Variants in WASHC2C observed in about 807,000 individuals in gnomAD.
WASHC2C encodes WASH complex subunit 2C, also known as Vaccinia Penetration Factor.
A neutral mutation model predicts 142.2 loss-of-function variants in WASHC2C; 73 were observed. The observed-to-expected ratio is 0.51, with a 90% confidence interval of 0.43 to 0.62. The LOEUF (loss-of-function observed/expected upper bound fraction) is 0.62. WASHC2C is among the 20% of genes least tolerant of loss of function. The pLI is 0.00. For synonymous variants in WASHC2C, 337 were observed against 565.5 expected (o/e 0.60, Z 5.73); for missense variants, 969 against 1,531.7 (o/e 0.63, Z 6.13).
intron 17 of WASHC2C, among the ~76,000 whole-genome samples, chr10:45,761,750 C>T (rs1433311543): frequency 2.6e-5 from 4 of 152,102 alleles, no homozygotes; most frequent in African/African-American, 7.2e-5. Context: ...GTTAAGGGTC[C>T]GAAACTGTGA....
intron 15 of WASHC2C, among the ~76,000 whole-genome samples, chr10:45,756,767 G>T (rs1203574410): frequency 1.3e-5 from 2 of 152,212 alleles, no homozygotes; most frequent in South Asian, 2.1e-4. Flanking sequence ...GGAAATGGCT[G>T]CTTGGATAAG....
At chr10:45,727,574 G>C (rs1190736514) in intron 2 of WASHC2C, 35 bp downstream of exon 2, 1 of 1,547,172 alleles carries the variant, frequency 6.5e-7, no homozygotes, top group Non-Finnish European at 8.7e-7. Flanking sequence ...GAGAGCGGCA[G>C]GGGTGACGCT....
rs1292995400 is a variant in WASHC2C, at chr10:45,784,309, T to C, written c.2479-256T>C. Among the ~76,000 whole-genome samples, 9 of 70,612 alleles carry C rather than the reference T, an allele frequency of 1.3e-4. 1 individual carries two copies. Among genetic ancestry groups the C allele is most frequent in the East Asian group, 2.1e-3 (2 of 950 alleles). 46.3% of individuals were successfully genotyped at this position (70,612 alleles called of 152,430 possible). A position where few individuals can be genotyped will look rare whatever the true frequency, so the allele number is the denominator to read the frequency against. ...ATATATACACATATATATATATATA[T>C]ATACACACACATATATATATATATG... On this transcript the variant is annotated intron_variant, in intron 23 of 30. Coordinates refer to ENST00000623400, the MANE Select transcript of WASHC2C (RefSeq NM_001330074.2).
chr10:45,781,501 A>G (rs2057501425), intron 23 of WASHC2C, among the ~76,000 whole-genome samples: 1 of 152,138 alleles, frequency 6.6e-6, no homozygotes, highest in African/African-American at 2.4e-5. Flanking sequence ...GTTAAAATAT[A>G]TAGATCAGTG....
chr10:45,750,729 C>G lies in WASHC2C; in HGVS notation c.844-22C>G, dbSNP rs1326531580. ...ACTAGTTTGTTACAAAAAAGCGATT[C>G]TTTTGATTTCTCCTGCTGTAGAAAA... On this transcript the variant is annotated intron_variant, in intron 9 of 30. Coordinates refer to ENST00000623400, the MANE Select transcript of WASHC2C (RefSeq NM_001330074.2). The G allele has an allele frequency of 1.0e-5, 16 of 1,546,074 alleles. No homozygotes were observed. The African/African-American group carries it at 2.1e-4, about 20-fold the overall frequency.
chr10:45,755,526 G>A (rs1220309305), intron 15 of WASHC2C, among the ~76,000 whole-genome samples: 2 of 152,304 alleles, frequency 1.3e-5, no homozygotes, highest in African/African-American at 2.4e-5. Flanking sequence ...AGCTCAGGTG[G>A]CCTTGGTCTT....
At chr10:45,732,476 T>G (rs2050721747) in intron 3 of WASHC2C, among the ~76,000 whole-genome samples, 1 of 152,212 alleles carries the variant, frequency 6.6e-6, no homozygotes, top group South Asian at 2.1e-4. Context: ...AATTTAGGAA[T>G]TGGATCCTGA....
intron 28 of WASHC2C, among the ~76,000 whole-genome samples, chr10:45,788,249 C>T (rs2058191682): frequency 6.6e-6 from 1 of 152,150 alleles, no homozygotes; most frequent in African/African-American, 2.4e-5. Flanking sequence ...CTATCATAAA[C>T]TGCATCATTG....
intron 16 of WASHC2C, among the ~76,000 whole-genome samples, chr10:45,758,649 C>A (rs2054640469): frequency 6.7e-6 from 1 of 150,280 alleles, no homozygotes; most frequent in African/African-American, 2.5e-5. Context: ...GCTCTGTTGC[C>A]CAGGCTGGAG....
intron 13 of WASHC2C, 149 bp from the exon 14 acceptor site, chr10:45,754,337 T>G: frequency 6.6e-7 from 1 of 1,511,676 alleles, no homozygotes; most frequent in South Asian, 1.2e-5. Flanking sequence ...AAGAAAATAC[T>G]AAGGAATTTT....
At chr10:45,767,183 C>A (rs2055943162) in intron 19 of WASHC2C, among the ~76,000 whole-genome samples, 7 of 147,980 alleles carry the variant, frequency 4.7e-5, no homozygotes, top group Admixed American at 1.4e-4. Context: ...GCAGGAGAAT[C>A]ACTTGAACCC....
intron 14 of WASHC2C, 54 bp from the exon 15 acceptor site, chr10:45,754,882 T>G: frequency 6.2e-7 from 1 of 1,601,386 alleles, no homozygotes; most frequent in Non-Finnish European, 8.5e-7. Flanking sequence ...TTCTGTAAAT[T>G]CAACCGGCCC....
At chr10:45,746,090 G>A (rs1196643423) in intron 7 of WASHC2C, among the ~76,000 whole-genome samples, 1 of 111,894 alleles carries the variant, frequency 8.9e-6, no homozygotes, top group Non-Finnish European at 1.8e-5. Context: ...TCCCTACAAA[G>A]GACATGAACT....
chr10:45,784,010 A>C (rs2057721709), intron 23 of WASHC2C, among the ~76,000 whole-genome samples: 1 of 151,984 alleles, frequency 6.6e-6, no homozygotes, highest in Non-Finnish European at 1.5e-5. Context: ...TGAGGGACAC[A>C]TACTTGACCA....
chr10:45,727,297 C>T lies in WASHC2C; in HGVS notation c.-21C>T, dbSNP rs1376533379. Reference sequence around the variant, plus strand: ...CGGCCTGTGCTGGCAGCCTCGGAGCCCACCGAGCCGGGCGGCTGGGATGGT... The same window carrying T: ...CGGCCTGTGCTGGCAGCCTCGGAGCTCACCGAGCCGGGCGGCTGGGATGGT... On this transcript the variant is annotated 5_prime_UTR_variant, in exon 1 of 31. Coordinates refer to ENST00000623400, the MANE Select transcript of WASHC2C (RefSeq NM_001330074.2). 17 of 1,562,332 alleles carry T rather than the reference C, an allele frequency of 1.1e-5. No individual in the cohort carries two copies. The highest frequency in any genetic ancestry group is 1.5e-5 in the Non-Finnish European group (17 of 1,154,930).
intron 14 of WASHC2C, 45 bp downstream of exon 14, chr10:45,754,590 T>A (rs1458100546): frequency 1.3e-6 from 2 of 1,487,086 alleles, no homozygotes; most frequent in East Asian, 2.4e-5. Flanking sequence ...ACAAATACTG[T>A]TTTTTGCATT....
chr10:45,755,219 C>T (rs2054099529), intron 15 of WASHC2C, 104 bp downstream of exon 15: 2 of 1,471,794 alleles, frequency 1.4e-6, no homozygotes, highest in African/African-American at 1.4e-5. Context: ...GTGCCAGAAT[C>T]CCTTCTCCAG....
intron 3 of WASHC2C, among the ~76,000 whole-genome samples, chr10:45,736,950 T>C (rs1554865036): frequency 6.6e-6 from 1 of 152,222 alleles, no homozygotes; most frequent in African/African-American, 2.4e-5. Context: ...ATTGACTTCT[T>C]ATTTCTTTCT....
intron 8 of WASHC2C, among the ~76,000 whole-genome samples, chr10:45,749,857 T>TTATATA (rs1199440572): frequency 9.0e-5 from 8 of 88,802 alleles, no homozygotes; most frequent in African/African-American, 3.5e-4. Flanking sequence ...ATATATATAT[T>TTATATA]TATATATATA....
Sources: allele counts gnomAD v4.1 joint callset (sites outside exome capture counted in the v4.1 genomes callset), GRCh38; gene constraint gnomAD v4.1.1; transcripts MANE v1.5; gene names NCBI Gene and HGNC (gene_info 2026-07-23, HGNC 2026-07-21).